The following CCDC171 variants were observed in gnomAD, a reference collection of about 807,000 sequenced individuals.
CCDC171 encodes the protein coiled-coil domain containing 171, also known as coiled-coil domain-containing protein 171.
CCDC171 carries 177 observed loss-of-function variants against 168.2 expected under a neutral mutation model. The observed-to-expected ratio is 1.05, with a 90% CI of 0.93 to 1.19. The LOEUF (loss-of-function observed/expected upper bound fraction) is 1.19, where lower values mean the gene tolerates loss of function less well. Among genes scored for constraint, CCDC171 ranks in the 50% most tolerant of loss-of-function variants. The pLI is 0.00. For missense variants in CCDC171, 1,991 were observed against 1,539.0 expected (o/e 1.29, Z -4.91); for synonymous variants, 687 against 540.8 (o/e 1.27, Z -3.75).
intron 7 of CCDC171, among the ~76,000 whole-genome samples, chr9:15,652,100 T>C (rs1414679667): frequency 1.3e-5 from 2 of 152,120 alleles, no homozygotes; most frequent in African/African-American, 4.8e-5. Flanking sequence ...AGAGACCAGG[T>C]TTGACTATGT....
In CCDC171 at chr9:15,666,222, T is replaced by C. The variant is rs1396842788; in HGVS notation, c.975T>C (p.Ala325=). 6.2e-7 allele frequency: 1 copy of C among 1,613,884 alleles called. No homozygotes were observed. Among genetic ancestry groups the C allele is most frequent in the Non-Finnish European group, 8.5e-7 (1 of 1,179,868 alleles). ...LQVEKASQAE[A]VADLEIIKNE... ...TAGAGAAGGCCAGTCAAGCAGAAGC[T>C]GTTGCTGATTTGGAAATTATCAAGA... The change falls in exon 9 of 26, where the codon GCT becomes GCC. Residue 325 remains alanine (A), a synonymous_variant. Transcript: ENST00000380701.
chr9:15,751,004 A>T (rs1020901231), intron 18 of CCDC171, among the ~76,000 whole-genome samples: 2 of 152,198 alleles, frequency 1.3e-5, no homozygotes, highest in African/African-American at 4.8e-5. Context: ...GGCAGGTGAG[A>T]TGATTGTATA....
intron 10 of CCDC171, among the ~76,000 whole-genome samples, chr9:15,680,540 A>G (rs1309597245): frequency 6.6e-6 from 1 of 152,184 alleles, no homozygotes; most frequent in African/African-American, 2.4e-5. Flanking sequence ...TTTTCAGATG[A>G]TCCAATATTA....
intron 25 of CCDC171, among the ~76,000 whole-genome samples, chr9:15,930,335 A>G (rs1056927134): frequency 1.3e-5 from 2 of 151,612 alleles, no homozygotes; most frequent in African/African-American, 2.4e-5. Context: ...CATATTCTAT[A>G]TATGGTAAAA....
intron 24 of CCDC171, among the ~76,000 whole-genome samples, chr9:15,916,902 A>G (rs1226047839): frequency 6.6e-6 from 1 of 151,892 alleles, no homozygotes; most frequent in African/African-American, 2.4e-5. Flanking sequence ...ATCTCACTGC[A>G]TGGTATAGTC....
intron 3 of CCDC171, among the ~76,000 whole-genome samples, chr9:15,981,760 C>G (rs1589294016): frequency 2.0e-5 from 3 of 152,128 alleles, no homozygotes. Context: ...CTTTTCCACC[C>G]CCACCTTTTT....
intron 8 of CCDC171, among the ~76,000 whole-genome samples, chr9:15,659,503 A>G (rs1278102520): frequency 6.6e-6 from 1 of 152,202 alleles, no homozygotes; most frequent in Non-Finnish European, 1.5e-5. Context: ...GAAGGTAGAA[A>G]GTATCTTTAT....
the CCDC171 span, among the ~76,000 whole-genome samples, chr9:16,106,830 C>T: frequency 1.3e-5 from 2 of 152,106 alleles, no homozygotes; most frequent in Non-Finnish European, 2.9e-5. Flanking sequence ...TCCTTATCTG[C>T]CCAGCACACT....
intron 23 of CCDC171, among the ~76,000 whole-genome samples, chr9:15,857,255 A>G (rs1588876495): frequency 6.6e-6 from 1 of 151,470 alleles, no homozygotes; most frequent in African/African-American, 2.4e-5. Flanking sequence ...GTCTGTTTTC[A>G]TTTTTGTTTC....
At chr9:15,578,511 C>G (rs2040855670) in intron 3 of CCDC171, among the ~76,000 whole-genome samples, 1 of 150,458 alleles carries the variant, frequency 6.6e-6, no homozygotes, top group Admixed American at 6.6e-5. Flanking sequence ...CTTAAGTGAT[C>G]CTCCTGCCTT....
intron 6 of CCDC171, among the ~76,000 whole-genome samples, chr9:15,615,627 C>T (rs2044022666): frequency 6.6e-6 from 1 of 151,864 alleles, no homozygotes; most frequent in Non-Finnish European, 1.5e-5. Flanking sequence ...AACTGATTGG[C>T]CTTTGATTTT....
chr9:15,575,842 A>T (rs1457035352), intron 3 of CCDC171, among the ~76,000 whole-genome samples: 2 of 152,208 alleles, frequency 1.3e-5, no homozygotes, highest in East Asian at 3.9e-4. Context: ...CTGTAATCCC[A>T]GCACTTTAGG....
At chr9:15,992,572 T>C (rs1832236573) in intron 3 of CCDC171, among the ~76,000 whole-genome samples, 4 of 152,120 alleles carry the variant, frequency 2.6e-5, no homozygotes, top group Admixed American at 2.6e-4. Context: ...CTATTCAACA[T>C]GCTGTTGGAA....
chr9:15,714,874 G>A (rs1470606513), intron 11 of CCDC171, among the ~76,000 whole-genome samples: 3 of 152,008 alleles, frequency 2.0e-5, no homozygotes, highest in African/African-American at 7.2e-5. Context: ...ATTTATTTTG[G>A]TTCTAGGAAC....
intron 3 of CCDC171, among the ~76,000 whole-genome samples, chr9:16,003,956 A>G (rs770988481): frequency 6.6e-6 from 1 of 152,214 alleles, no homozygotes; most frequent in Non-Finnish European, 1.5e-5. Flanking sequence ...GGATTGGTTT[A>G]CAGTAAGCAC....
At chr9:15,572,843 T>A (rs1466123042) in intron 3 of CCDC171, among the ~76,000 whole-genome samples, 2 of 152,176 alleles carry the variant, frequency 1.3e-5, no homozygotes, top group Non-Finnish European at 2.9e-5. Flanking sequence ...TAATAGGCCG[T>A]CAGTAGTTGT....
chr9:15,915,843 T>C (rs1033231526), intron 24 of CCDC171, among the ~76,000 whole-genome samples: 1 of 152,210 alleles, frequency 6.6e-6, no homozygotes, highest in African/African-American at 2.4e-5. Context: ...TTTTACCAAA[T>C]GCCTTCTCTG....
At chr9:15,583,753 C>T (rs757760201) in intron 4 of CCDC171, among the ~76,000 whole-genome samples, 2 of 151,922 alleles carry the variant, frequency 1.3e-5, no homozygotes, top group Non-Finnish European at 2.9e-5. Flanking sequence ...AACCGAACAC[C>T]ATCTGTTCCC....
intron 18 of CCDC171, among the ~76,000 whole-genome samples, chr9:15,774,508 G>T (rs1410007979): frequency 2.0e-5 from 3 of 152,118 alleles, no homozygotes; most frequent in African/African-American, 7.2e-5. Flanking sequence ...CTGTTTGTGG[G>T]AATGTAAACT....
Sources: allele counts gnomAD v4.1 joint callset (sites outside exome capture counted in the v4.1 genomes callset), GRCh38; gene constraint gnomAD v4.1.1; transcripts MANE v1.5; gene names NCBI Gene and HGNC (gene_info 2026-07-23, HGNC 2026-07-21).